ZRANB3: variants seen among roughly 807,000 people sequenced by gnomAD.
The protein encoded by ZRANB3 is zinc finger RANBP2-type containing 3, also known as DNA annealing helicase and endonuclease ZRANB3.
ZRANB3 carries 125 observed loss-of-function variants against 133.8 expected under a neutral mutation model. That is an observed-to-expected ratio of 0.93 (90% CI 0.81 to 1.08). The LOEUF (loss-of-function observed/expected upper bound fraction) is 1.08. Ranked by LOEUF, ZRANB3 falls within the 50% of genes least tolerant of loss-of-function variation. The pLI, the probability that ZRANB3 is intolerant of heterozygous loss-of-function variation, is 0.00. For missense variants in ZRANB3, 1,229 were observed against 1,275.5 expected, an observed-to-expected ratio of 0.96 and a Z score of 0.56; for synonymous variants, 387 against 432.7, an observed-to-expected ratio of 0.89 and a Z score of 1.31.
chr2:135,511,036 T>G, intron 1 of ZRANB3: 1 of 778,696 alleles, frequency 1.3e-6, no homozygotes, highest in South Asian at 1.3e-5. Flanking sequence ...TGTTCTCACA[T>G]CCTTTGATCC....
chr2:135,264,084 T>G (rs1361038582), intron 12 of ZRANB3, among the ~76,000 whole-genome samples: 1 of 151,450 alleles, frequency 6.6e-6, no homozygotes, highest in Non-Finnish European at 1.5e-5. Context: ...CCACCACGCC[T>G]GGTCCATAGT....
intron 1 of ZRANB3, among the ~76,000 whole-genome samples, chr2:135,521,871 A>G (rs186072681): frequency 6.6e-6 from 1 of 152,250 alleles, no homozygotes; most frequent in East Asian, 1.9e-4. Flanking sequence ...CATGATAAGG[A>G]TATTCTAGAG....
At chr2:135,309,780 C>A (rs1476931244) in intron 8 of ZRANB3, among the ~76,000 whole-genome samples, 2 of 152,080 alleles carry the variant, frequency 1.3e-5, no homozygotes, top group Non-Finnish European at 2.9e-5. Context: ...TAAATTCTTC[C>A]AAATTAGTCA....
chr2:135,205,145 T>C (rs1269522315), intron 19 of ZRANB3, among the ~76,000 whole-genome samples: 1 of 152,224 alleles, frequency 6.6e-6, no homozygotes, highest in Non-Finnish European at 1.5e-5. Flanking sequence ...CATTCTTTCA[T>C]AATTCAGCAA....
chr2:135,236,070 G>A (rs945605831), intron 12 of ZRANB3, among the ~76,000 whole-genome samples: 25 of 152,280 alleles, frequency 1.6e-4, no homozygotes, highest in African/African-American at 5.1e-4. Flanking sequence ...TCCTTAAGCC[G>A]ATAGGCAACT....
rs1341913956 is a variant in ZRANB3 at position 135,485,154 on chromosome 2, A to AAAAC, written c.161+19171_161+19174dup. Among the ~76,000 whole-genome samples the AAAAC allele has an allele frequency of 1.0e-3, 103 of 102,038 alleles. No homozygotes were observed. The African/African-American group carries it at 0.01, about 10-fold the overall frequency. The allele number at this position is 102,038 out of a possible 152,430, so 66.9% of individuals were successfully genotyped here. ...AGAAACAAAACAAAACAAACAAAAC[A>AAAAC]AAACAAAACAAAACAAAACAAAACA... is the stretch of plus-strand genomic sequence containing the variant. On this transcript the variant is annotated intron_variant, in intron 2 of 20. Coordinates refer to ENST00000264159, the MANE Select transcript of ZRANB3 (RefSeq NM_032143.4).
chr2:135,279,689 C>T (rs59169522), intron 8 of ZRANB3, among the ~76,000 whole-genome samples: 6,769 of 152,230 alleles, frequency 0.044, 506 homozygotes, highest in African/African-American at 0.16. Flanking sequence ...GCTTCCATCA[C>T]AACCAGAGAT....
At chr2:135,370,551 A>G (rs1686132290) in intron 3 of ZRANB3, among the ~76,000 whole-genome samples, 2 of 152,160 alleles carry the variant, frequency 1.3e-5, no homozygotes. Context: ...CAGAAGACTC[A>G]ATAATATTTA....
At chr2:135,525,904 A>T (rs1259713418) in intron 1 of ZRANB3, among the ~76,000 whole-genome samples, 1 of 151,978 alleles carries the variant, frequency 6.6e-6, no homozygotes, top group East Asian at 1.9e-4. Context: ...TGAACCTTGA[A>T]GACATTATAG....
intron 6 of ZRANB3, among the ~76,000 whole-genome samples, chr2:135,337,114 C>T (rs952886736): frequency 6.6e-6 from 1 of 152,144 alleles, no homozygotes; most frequent in African/African-American, 2.4e-5. Context: ...TCTTGTATTC[C>T]TTGCACCTTG....
At chr2:135,222,089 ATATACT>A (rs1398652756) in intron 15 of ZRANB3, among the ~76,000 whole-genome samples, 1 of 152,160 alleles carries the variant, frequency 6.6e-6, no homozygotes, top group Non-Finnish European at 1.5e-5. Context: ...ATACTATCTT[ATATACT>A]TATAAAGATT....
chr2:135,285,189 G>C (rs1168416710), intron 8 of ZRANB3, among the ~76,000 whole-genome samples: 1 of 152,130 alleles, frequency 6.6e-6, no homozygotes, highest in Non-Finnish European at 1.5e-5. Flanking sequence ...CTCTATTTGT[G>C]ATTCCAACCT....
chr2:135,525,877 A>G (rs939041696), intron 1 of ZRANB3, among the ~76,000 whole-genome samples: 3 of 151,114 alleles, frequency 2.0e-5, no homozygotes, highest in Admixed American at 6.6e-5. Flanking sequence ...AGGAAATCCT[A>G]TCATGCTCTG....
chr2:135,350,316 A>G, intron 4 of ZRANB3, 101 bp from the exon 5 acceptor site: 1 of 776,974 alleles, frequency 1.3e-6, no homozygotes, highest in Non-Finnish European at 2.0e-6. Flanking sequence ...AAGAAAGAAG[A>G]ATAGAGGAAA....
chr2:135,458,325 T>C (rs890759106), intron 2 of ZRANB3, among the ~76,000 whole-genome samples: 1 of 152,078 alleles, frequency 6.6e-6, no homozygotes, highest in Non-Finnish European at 1.5e-5. Flanking sequence ...TATGAGACTT[T>C]CTCAAAATTG....
intron 17 of ZRANB3, among the ~76,000 whole-genome samples, chr2:135,213,270 C>T (rs1464240075): frequency 6.6e-6 from 1 of 152,306 alleles, no homozygotes. Context: ...CTCTTTATCT[C>T]TACTGAGCCT....
chr2:135,313,687 T>C (rs1224831179), intron 7 of ZRANB3, 82 bp from the exon 8 acceptor site: 2 of 811,228 alleles, frequency 2.5e-6, no homozygotes, highest in Non-Finnish European at 3.7e-6. Flanking sequence ...CATGTCCTAC[T>C]TTTTTTCCTT....
intron 8 of ZRANB3, among the ~76,000 whole-genome samples, chr2:135,308,708 C>T (rs961236056): frequency 6.6e-6 from 1 of 152,144 alleles, no homozygotes; most frequent in Admixed American, 6.5e-5. Flanking sequence ...TGAAGGGACT[C>T]TCCTACCTCG....
At chr2:135,207,077 A>G (rs1337794140) in intron 19 of ZRANB3, among the ~76,000 whole-genome samples, 1 of 152,070 alleles carries the variant, frequency 6.6e-6, no homozygotes, top group African/African-American at 2.4e-5. Context: ...AGGCATGAGT[A>G]TCGCTTGAAC....
Sources: allele counts gnomAD v4.1 joint callset (sites outside exome capture counted in the v4.1 genomes callset), GRCh38; gene constraint gnomAD v4.1.1; transcripts MANE v1.5; gene names NCBI Gene and HGNC (gene_info 2026-07-23, HGNC 2026-07-21).